BNIP2: variants seen among roughly 807,000 people sequenced by gnomAD.
BNIP2 encodes BCL2 interacting protein 2.
In BNIP2, 36 loss-of-function variants were observed where a neutral mutation model predicts 43.4. The ratio of observed to expected loss-of-function variants is 0.83; its 90% CI spans 0.64 to 1.10. The LOEUF is 1.10. Ranked by LOEUF, BNIP2 falls within the 50% of genes least tolerant of loss-of-function variation. The probability of loss-of-function intolerance (pLI) is 0.00; values close to 1 mark genes in which losing one functional copy is unlikely to be tolerated. For synonymous variants in BNIP2, 146 were observed against 121.0 expected (o/e 1.21, Z -1.35); for missense variants, 417 against 374.1 (o/e 1.11, Z -0.95).
intron 6 of BNIP2, 124 bp downstream of exon 6, chr15:59,672,513 C>T: frequency 1.5e-6 from 1 of 645,746 alleles, no homozygotes; most frequent in Non-Finnish European, 2.6e-6. Flanking sequence ...CTCAAGTGAT[C>T]TGCCCACTTC....
intron 9 of BNIP2, among the ~76,000 whole-genome samples, chr15:59,667,812 A>AT (rs1215366787): frequency 6.6e-6 from 1 of 152,254 alleles, no homozygotes; most frequent in Non-Finnish European, 1.5e-5. Flanking sequence ...TCCAAATACC[A>AT]TTTTTAGTAA....
chr15:59,689,135 C>G lies in BNIP2; in HGVS notation c.-58G>C. 1 of 1,536,624 alleles carries G rather than the reference C, an allele frequency of 6.5e-7. No homozygotes were observed. Among genetic ancestry groups the G allele is most frequent in the Non-Finnish European group, 8.7e-7 (1 of 1,146,248 alleles). On this transcript the variant is annotated splice_region_variant and 5_prime_UTR_variant, in exon 1 of 10. Transcript: ENST00000607373. ...CCGAGTTCTCCCAGGCCGCACTCAC[C>G]CCGGAGGAAGCCTTGGCCCCCTCGT...
Position 59,689,256 on chromosome 15 carries a change from AC to A in BNIP2, c.-180del. The A allele has an allele frequency of 6.5e-7, 1 of 1,543,154 alleles. No individual in the cohort carries two copies. On this transcript the variant is annotated 5_prime_UTR_variant, in exon 1 of 10. Transcript: ENST00000607373. Reference sequence around the variant, plus strand: ...CCGCTCCCCTCGGTCGGCGGTGGAGACCCCGGCCCAATCCCCCGGCCGCAGC... The same window carrying A: ...CCGCTCCCCTCGGTCGGCGGTGGAGACCCGGCCCAATCCCCCGGCCGCAGC...
At chr15:59,664,676 C>G (rs1246707440) in intron 9 of BNIP2, among the ~76,000 whole-genome samples, 2 of 152,148 alleles carry the variant, frequency 1.3e-5, no homozygotes, top group African/African-American at 2.4e-5. Context: ...CCACCGTGCC[C>G]AGCCATAAAC....
intron 1 of BNIP2, chr15:59,688,833 G>C: frequency 6.5e-7 from 1 of 1,530,790 alleles, no homozygotes; most frequent in African/African-American, 1.4e-5. Context: ...TAAAAGGGTG[G>C]GGGAGCGGAG....
intron 1 of BNIP2, among the ~76,000 whole-genome samples, chr15:59,687,494 G>A (rs1283432039): frequency 1.3e-5 from 2 of 152,032 alleles, no homozygotes; most frequent in Non-Finnish European, 1.5e-5. Flanking sequence ...TGGGATTGCA[G>A]GCACGAGCGA....
At chr15:59,671,732 A>G (rs1382610408) in intron 6 of BNIP2, among the ~76,000 whole-genome samples, 2 of 152,220 alleles carry the variant, frequency 1.3e-5, no homozygotes, top group African/African-American at 4.8e-5. Context: ...GCTCAATTAT[A>G]TTGGCCTTCT....
intron 8 of BNIP2, 139 bp from the exon 9 acceptor site, chr15:59,669,129 C>A: frequency 9.8e-7 from 1 of 1,024,460 alleles, no homozygotes; most frequent in Non-Finnish European, 1.4e-6. Flanking sequence ...GATGGATGTA[C>A]TAATCACCCA....
chr15:59,664,832 G>A (rs1338890593), intron 9 of BNIP2, among the ~76,000 whole-genome samples: 4 of 152,068 alleles, frequency 2.6e-5, no homozygotes, highest in Non-Finnish European at 5.9e-5. Context: ...TGCCATGAAG[G>A]CCACCAATTA....
chr15:59,686,847 T>G, intron 1 of BNIP2, among the ~76,000 whole-genome samples: 1 of 152,032 alleles, frequency 6.6e-6, no homozygotes, highest in East Asian at 1.9e-4. Context: ...TGAAACCCCA[T>G]CTCTACCAAA....
At chr15:59,671,872 T>C (rs1041573110) in intron 6 of BNIP2, among the ~76,000 whole-genome samples, 7 of 152,180 alleles carry the variant, frequency 4.6e-5, no homozygotes, top group Non-Finnish European at 8.8e-5. Flanking sequence ...GCCCAGGAGT[T>C]TGAGACCAAC....
chr15:59,671,061 G>A (rs576319697), intron 7 of BNIP2, 122 bp downstream of exon 7: 33 of 944,946 alleles, frequency 3.5e-5, no homozygotes, highest in Non-Finnish European at 4.3e-5. Context: ...CAACAAGAGT[G>A]AAACTCCGTC....
At chr15:59,669,432 G>C in intron 7 of BNIP2, 70 bp from the exon 8 acceptor site, 3 of 1,111,938 alleles carry the variant, frequency 2.7e-6, no homozygotes, top group Non-Finnish European at 3.8e-6. Flanking sequence ...AATGCTGCAA[G>C]TTTATACAAA....
chr15:59,667,074 C>A (rs1231479246), intron 9 of BNIP2, among the ~76,000 whole-genome samples: 1 of 152,172 alleles, frequency 6.6e-6, no homozygotes, highest in Admixed American at 6.5e-5. Flanking sequence ...CTGTCGAATG[C>A]ACAGCAATGC....
chr15:59,679,388 A>T, intron 4 of BNIP2: 1 of 439,064 alleles, frequency 2.3e-6, no homozygotes, highest in Non-Finnish European at 3.9e-6. Flanking sequence ...TATGAAAAAA[A>T]CATGAGAGCA....
chr15:59,670,030 A>C (rs1350726091), intron 7 of BNIP2, among the ~76,000 whole-genome samples: 2 of 152,246 alleles, frequency 1.3e-5, no homozygotes, highest in Non-Finnish European at 2.9e-5. Flanking sequence ...AGATCAAACC[A>C]ATCGGAAGAT....
Position 59,682,421 on chromosome 15 carries a change from C to A in BNIP2, c.37G>T (p.Glu13Ter). 6.2e-7 allele frequency: 1 copy of A among 1,612,458 alleles called. No homozygotes were observed. Among genetic ancestry groups the A allele is most frequent in the Non-Finnish European group, 8.5e-7 (1 of 1,179,294 alleles). The change falls in exon 2 of 10, where the codon GAA becomes TAA. Residue 13 changes from glutamate (E) to a stop codon, truncating the protein, a stop_gained. Transcript: ENST00000607373. LOFTEE classifies it high-confidence loss of function. ...AGCATTGCTCACATCGGAAAATCTT[C>A]ATCTTGCCATTCTTCTTTAAGTTCC... ...GVELKEEWQDEDFPIPLPEDD... is the reference protein window; with the variant it reads ...GVELKEEWQD
rs1482593281 is a variant in BNIP2, at chr15:59,662,404, G to A, written c.*1665C>T. 6.6e-6 allele frequency: 1 copy of A among 152,230 alleles called. No homozygotes were observed. The highest frequency in any genetic ancestry group is 1.9e-4 in the East Asian group (1 of 5,202). 9.4% of individuals were successfully genotyped at this position (152,230 alleles called of 1,614,324 possible). On this transcript the variant is annotated 3_prime_UTR_variant, in exon 10 of 10. Coordinates refer to ENST00000607373, the MANE Select transcript of BNIP2 (RefSeq NM_004330.4). ...AATAATCGTTTTGGCTCAATTCACTGTAATGACATTAGTTCAGGATCTGCC... is the reference window on the plus strand; with the variant it reads ...AATAATCGTTTTGGCTCAATTCACTATAATGACATTAGTTCAGGATCTGCC...
At chr15:59,674,704 G>A (rs1327791783) in intron 5 of BNIP2, among the ~76,000 whole-genome samples, 1 of 152,110 alleles carries the variant, frequency 6.6e-6, no homozygotes, top group Non-Finnish European at 1.5e-5. Context: ...TGTGTTAGGA[G>A]GATTTAAGGT....
Sources: gnomAD v4.1 joint callset for allele counts (sites outside exome capture counted in the v4.1 genomes callset) on GRCh38, gnomAD v4.1.1 for gene constraint, MANE v1.5 for transcripts, NCBI Gene and HGNC (gene_info 2026-07-23, HGNC 2026-07-21) for gene names.